The following DLGAP2 variants were observed in gnomAD, a reference collection of about 807,000 sequenced individuals.
The protein encoded by DLGAP2 is DLG associated protein 2, also known as disks large-associated protein 2.
In DLGAP2, 26 loss-of-function variants were observed where a neutral mutation model predicts 100.3. That is an observed-to-expected ratio of 0.26 (90% CI 0.19 to 0.36). DLGAP2 has a LOEUF of 0.36. Ranked by LOEUF, DLGAP2 falls within the 10% of genes least tolerant of loss-of-function variation. The pLI, the probability that DLGAP2 is intolerant of heterozygous loss-of-function variation, is 1.00. For synonymous variants in DLGAP2, 886 were observed against 630.1 expected, an observed-to-expected ratio of 1.41 and a Z score of -6.08; for missense variants, 1,858 against 1,453.2, an observed-to-expected ratio of 1.28 and a Z score of -4.53.
intron 3 of DLGAP2, among the ~76,000 whole-genome samples, chr8:1,444,091 C>T (rs1327079591): frequency 6.6e-6 from 1 of 152,142 alleles, no homozygotes; most frequent in African/African-American, 2.4e-5. Flanking sequence ...CCTCCCTCTA[C>T]CTTAAGCTCC....
intron 6 of DLGAP2, among the ~76,000 whole-genome samples, chr8:1,623,693 C>G (rs557441220): frequency 6.6e-6 from 1 of 152,206 alleles, no homozygotes; most frequent in African/African-American, 2.4e-5. Context: ...GGCACCAGTG[C>G]ACAATGACCT....
At chr8:959,970 T>C (rs1179990487) in intron 2 of DLGAP2, among the ~76,000 whole-genome samples, 2 of 152,202 alleles carry the variant, frequency 1.3e-5, no homozygotes, top group African/African-American at 4.8e-5. Context: ...ATGCTAGGTA[T>C]AAAACTGAGT....
At position 1,623,282 on chromosome 8, in the gene DLGAP2, C is replaced by G. The variant is rs533087375; in HGVS notation, c.1443-3458C>G. On this transcript the variant is annotated intron_variant, in intron 6 of 14. Coordinates refer to ENST00000637795, the MANE Select transcript of DLGAP2 (RefSeq NM_001346810.2). ...CTGGACTCAGAAGGGAGTGCTGCCC[C>G]CATCCCGCCCAAGCCTGAGTGCATG... Among the ~76,000 whole-genome samples, 7 of 152,248 alleles carry G rather than the reference C, an allele frequency of 4.6e-5. No individual in the cohort carries two copies. The East Asian group carries it at 1.3e-3, about 29-fold the overall frequency.
At chr8:1,360,679 G>T (rs1801962685) in intron 3 of DLGAP2, among the ~76,000 whole-genome samples, 1 of 152,208 alleles carries the variant, frequency 6.6e-6, no homozygotes, top group Non-Finnish European at 1.5e-5. Flanking sequence ...CAGAGACCGA[G>T]AAACACACAC....
chr8:1,344,394 G>C (rs75220636), intron 3 of DLGAP2, among the ~76,000 whole-genome samples: 1 of 152,216 alleles, frequency 6.6e-6, no homozygotes, highest in African/African-American at 2.4e-5. Flanking sequence ...GAGAGGTCTA[G>C]TGTCACTTTC....
chr8:1,309,781 G>A (rs892852110), intron 3 of DLGAP2, among the ~76,000 whole-genome samples: 5 of 152,192 alleles, frequency 3.3e-5, no homozygotes, highest in African/African-American at 7.2e-5. Flanking sequence ...ATGTTACCGT[G>A]CACTCAATGT....
chr8:1,170,261 G>A (rs71309839), intron 2 of DLGAP2, among the ~76,000 whole-genome samples: 1 of 152,274 alleles, frequency 6.6e-6, no homozygotes, highest in African/African-American at 2.4e-5. Flanking sequence ...TAAGCTTTTT[G>A]ATGTGCTGCT....
chr8:938,069 G>A (rs1799111965), intron 2 of DLGAP2, among the ~76,000 whole-genome samples: 2 of 152,176 alleles, frequency 1.3e-5, no homozygotes, highest in Non-Finnish European at 2.9e-5. Flanking sequence ...GCCGTGCACT[G>A]TGAAAGAGGA....
chr8:1,033,656 G>T (rs528488429), intron 2 of DLGAP2, among the ~76,000 whole-genome samples: 1 of 152,286 alleles, frequency 6.6e-6, no homozygotes, highest in Admixed American at 6.5e-5. Context: ...GACAGAGGGA[G>T]ACCGTGTTAC....
chr8:1,072,153 T>A (rs1338481951), intron 2 of DLGAP2, among the ~76,000 whole-genome samples: 1 of 152,132 alleles, frequency 6.6e-6, no homozygotes, highest in Non-Finnish European at 1.5e-5. Context: ...GGTGCGGGTT[T>A]GATGCAGTTA....
chr8:1,364,508 G>GGC (rs1554452288), intron 3 of DLGAP2, among the ~76,000 whole-genome samples: 1 of 149,858 alleles, frequency 6.7e-6, no homozygotes, highest in African/African-American at 2.4e-5. Flanking sequence ...AGGGCGGGGG[G>GGC]GGTGCAGCGA....
At chr8:858,124 C>G (rs149050512) in intron 1 of DLGAP2, among the ~76,000 whole-genome samples, 1 of 152,118 alleles carries the variant, frequency 6.6e-6, no homozygotes, top group East Asian at 1.9e-4. Flanking sequence ...TCCAGAGTGT[C>G]GGGATTACAG....
At chr8:1,036,239 A>G (rs368743362) in intron 2 of DLGAP2, among the ~76,000 whole-genome samples, 38 of 139,194 alleles carry the variant, frequency 2.7e-4, no homozygotes, top group East Asian at 2.7e-3. Flanking sequence ...CCGCGAGTGG[A>G]TTCACACGCT....
Position 1,407,744 on chromosome 8 carries a change from A to G in DLGAP2, c.107-93622A>G, listed in dbSNP as rs1449624915. 3.9e-5 allele frequency among the ~76,000 whole-genome samples: 5 copies of G among 127,610 alleles called. 1 individual carries two copies. The highest frequency in any genetic ancestry group is 7.8e-5 in the Admixed American group (1 of 12,888). 83.7% of individuals were successfully genotyped at this position (127,610 alleles called of 152,430 possible). On this transcript the variant is annotated intron_variant, in intron 3 of 14. Coordinates refer to ENST00000637795, the MANE Select transcript of DLGAP2 (RefSeq NM_001346810.2). Reference sequence around the variant, plus strand: ...AGTGCTTACTGAGCGCCAGCTCGTCATCCTCCAGAGTCGTGTATTGAGTGC... The same window carrying G: ...AGTGCTTACTGAGCGCCAGCTCGTCGTCCTCCAGAGTCGTGTATTGAGTGC...
intron 1 of DLGAP2, among the ~76,000 whole-genome samples, chr8:779,045 T>A (rs914191011): frequency 5.9e-5 from 9 of 152,210 alleles, no homozygotes; most frequent in Admixed American, 5.9e-4. Context: ...TCTTGTGGTG[T>A]GCCTTTTTTC....
chr8:1,388,027 C>T (rs953238300), intron 3 of DLGAP2, among the ~76,000 whole-genome samples: 1 of 152,226 alleles, frequency 6.6e-6, no homozygotes, highest in Non-Finnish European at 1.5e-5. Context: ...ACTGGCCAGA[C>T]GTGGATGCAG....
At chr8:1,250,126 G>A (rs892192077) in intron 2 of DLGAP2, among the ~76,000 whole-genome samples, 3 of 152,190 alleles carry the variant, frequency 2.0e-5, no homozygotes, top group Non-Finnish European at 2.9e-5. Flanking sequence ...TGATCTGCCT[G>A]CCTCAGCCTC....
At chr8:1,272,272 C>T (rs917535097) in intron 3 of DLGAP2, among the ~76,000 whole-genome samples, 13 of 152,096 alleles carry the variant, frequency 8.5e-5, no homozygotes, top group Non-Finnish European at 4.4e-5. Flanking sequence ...GAAACATCAA[C>T]TCATTTTATG....
intron 1 of DLGAP2, among the ~76,000 whole-genome samples, chr8:902,945 T>TGGGGGC (rs1185260412): frequency 8.2e-5 from 3 of 36,728 alleles, no homozygotes; most frequent in Non-Finnish European, 1.4e-4. Flanking sequence ...GGCAGGTGGG[T>TGGGGGC]GGGGGCGGGG....
Sources: allele counts gnomAD v4.1 joint callset (sites outside exome capture counted in the v4.1 genomes callset), GRCh38; gene constraint gnomAD v4.1.1; transcripts MANE v1.5; gene names NCBI Gene and HGNC (gene_info 2026-07-23, HGNC 2026-07-21).